The following DCAF6 variants were observed in gnomAD, a reference collection of about 807,000 sequenced individuals.
The protein encoded by DCAF6 is DDB1- and CUL4-associated factor 6.
A neutral mutation model predicts 125.1 loss-of-function variants in DCAF6; 54 were observed. The observed-to-expected ratio is 0.43, with a 90% CI of 0.35 to 0.54. The LOEUF (loss-of-function observed/expected upper bound fraction) is 0.54. Ranked by LOEUF, DCAF6 falls within the 20% of genes least tolerant of loss-of-function variation. The pLI is 0.01. For synonymous variants in DCAF6, 371 were observed against 390.4 expected, an observed-to-expected ratio of 0.95 and a Z score of 0.58; for missense variants, 934 against 1,161.7, an observed-to-expected ratio of 0.80 and a Z score of 2.85.
chr1:167,916,570 A>C, the DCAF6 span, among the ~76,000 whole-genome samples: 1 of 148,410 alleles, frequency 6.7e-6, no homozygotes, highest in Non-Finnish European at 1.5e-5. Context: ...AAAAGAAAAG[A>C]AGCATGTGAT....
chr1:167,967,209 A>G lies in DCAF6; in HGVS notation c.252+488A>G, dbSNP rs1436491571. ...TAGAAAATTTACATTTAAAACTTTT[A>G]AAGACAAAAACAGCCAAATGACTGC... On this transcript the variant is annotated intron_variant, in intron 3 of 21. Transcript: ENST00000367840. Among the ~76,000 whole-genome samples, 3 of 152,340 alleles carry G rather than the reference A, an allele frequency of 2.0e-5. No homozygotes were observed. The South Asian group carries it at 6.2e-4, about 32-fold the overall frequency.
At chr1:168,073,298 A>G (rs995307461) in intron 21 of DCAF6, among the ~76,000 whole-genome samples, 1 of 152,388 alleles carries the variant, frequency 6.6e-6, no homozygotes, top group African/African-American at 2.4e-5. Flanking sequence ...AGAGATTTGT[A>G]TAAGTGTTAA....
the DCAF6 span, among the ~76,000 whole-genome samples, chr1:167,899,939 G>A: frequency 2.0e-5 from 3 of 152,134 alleles, no homozygotes; most frequent in Admixed American, 6.5e-5. Context: ...AAGGGCAACA[G>A]GGAATACCTT....
chr1:167,980,606 G>A (rs886157690), intron 4 of DCAF6, among the ~76,000 whole-genome samples: 5 of 151,838 alleles, frequency 3.3e-5, no homozygotes, highest in Non-Finnish European at 5.9e-5. Context: ...GGCCATCTGT[G>A]TATCTTCTTT....
chr1:168,045,364 CTTTACAG>C, intron 16 of DCAF6, 137 bp downstream of exon 16: 1 of 764,544 alleles, frequency 1.3e-6, no homozygotes, highest in South Asian at 2.0e-5. Flanking sequence ...CTTAAAGAAA[CTTTACAG>C]TTTACTGTAA....
the DCAF6 span, among the ~76,000 whole-genome samples, chr1:167,913,051 A>G: frequency 6.6e-6 from 1 of 152,198 alleles, no homozygotes. Context: ...TTAATTTAAG[A>G]GCACTTTCAA....
At chr1:167,912,603 C>A in the DCAF6 span, among the ~76,000 whole-genome samples, 1 of 152,252 alleles carries the variant, frequency 6.6e-6, no homozygotes, top group African/African-American at 2.4e-5. Context: ...ACGTCCACCC[C>A]ACTGGGGGTT....
At chr1:167,964,087 A>C (rs903616569) in intron 2 of DCAF6, among the ~76,000 whole-genome samples, 1 of 152,224 alleles carries the variant, frequency 6.6e-6, no homozygotes, top group Non-Finnish European at 1.5e-5. Context: ...CTCAATTAAG[A>C]ATAAGTAAAA....
the DCAF6 span, among the ~76,000 whole-genome samples, chr1:167,905,567 C>G: frequency 6.6e-6 from 1 of 151,430 alleles, no homozygotes; most frequent in Non-Finnish European, 1.5e-5. Flanking sequence ...TTTACCCTCT[C>G]TCTACCTTGG....
At chr1:168,012,726 TTTG>T (rs748143217) in intron 10 of DCAF6, among the ~76,000 whole-genome samples, 23 of 152,222 alleles carry the variant, frequency 1.5e-4, no homozygotes, top group African/African-American at 4.8e-5. Flanking sequence ...TGAGCCTGAT[TTTG>T]TTTTTAATCC....
chr1:167,966,501 C>T, intron 2 of DCAF6, 128 bp from the exon 3 acceptor site: 1 of 659,600 alleles, frequency 1.5e-6, no homozygotes, highest in Non-Finnish European at 2.7e-6. Context: ...TTGGACACCC[C>T]TATGTTAAAT....
chr1:168,008,825 T>TCTGCCCTGCC (rs1298341362), intron 10 of DCAF6, among the ~76,000 whole-genome samples: 5 of 148,916 alleles, frequency 3.4e-5, no homozygotes, highest in South Asian at 4.3e-4. Context: ...CGTGCCAAAT[T>TCTGCCCTGCC]CTGCCCTGCC....
chr1:168,033,896 C>G (rs541072228), intron 12 of DCAF6, among the ~76,000 whole-genome samples: 1 of 152,266 alleles, frequency 6.6e-6, no homozygotes, highest in East Asian at 1.9e-4. Flanking sequence ...GATTTTTTCC[C>G]CACTATATTG....
chr1:168,017,813 T>C (rs1685177060), intron 11 of DCAF6, among the ~76,000 whole-genome samples: 1 of 152,174 alleles, frequency 6.6e-6, no homozygotes, highest in African/African-American at 2.4e-5. Flanking sequence ...AATTTATTAA[T>C]AATAGAAGAA....
chr1:168,003,449 A>T (rs939287884), intron 8 of DCAF6, among the ~76,000 whole-genome samples: 5 of 152,220 alleles, frequency 3.3e-5, no homozygotes, highest in African/African-American at 1.2e-4. Context: ...ATGCAAAAGC[A>T]TAAGGCTATT....
the DCAF6 span, chr1:167,896,525 G>A: frequency 8.1e-7 from 1 of 1,239,014 alleles, no homozygotes; most frequent in Non-Finnish European, 1.2e-6. Flanking sequence ...TAATGAAGCT[G>A]TCGGCATTGA....
At chr1:167,984,717 G>A (rs2102965472) in intron 4 of DCAF6, among the ~76,000 whole-genome samples, 1 of 152,234 alleles carries the variant, frequency 6.6e-6, no homozygotes, top group East Asian at 1.9e-4. Flanking sequence ...TATTTAGGTT[G>A]AATATACTTT....
At chr1:168,008,633 T>C (rs1683699483) in intron 10 of DCAF6, among the ~76,000 whole-genome samples, 1 of 152,100 alleles carries the variant, frequency 6.6e-6, no homozygotes, top group South Asian at 2.1e-4. Context: ...AAGTTCCTAA[T>C]TGCATTTGGA....
At chr1:167,945,022 G>T (rs143220905) in intron 1 of DCAF6, among the ~76,000 whole-genome samples, 1 of 152,324 alleles carries the variant, frequency 6.6e-6, no homozygotes, top group East Asian at 1.9e-4. Context: ...TCAAACATCA[G>T]TTGGCTGCAA....
Sources: gnomAD v4.1 joint callset for allele counts (sites outside exome capture counted in the v4.1 genomes callset) on GRCh38, gnomAD v4.1.1 for gene constraint, MANE v1.5 for transcripts, NCBI Gene and HGNC (gene_info 2026-07-23, HGNC 2026-07-21) for gene names.